The following ST3GAL6 variants were observed in gnomAD, a reference collection of about 807,000 sequenced individuals.
The protein encoded by ST3GAL6 is ST3 beta-galactoside alpha-2,3-sialyltransferase 6, also known as type 2 lactosamine alpha-2,3-sialyltransferase.
A neutral mutation model predicts 40.5 loss-of-function variants in ST3GAL6; 31 were observed. That is an observed-to-expected ratio of 0.77 (90% confidence interval 0.58 to 1.03). ST3GAL6 has a LOEUF of 1.03. ST3GAL6 is among the 50% of genes least tolerant of loss of function. ST3GAL6 has a pLI of 0.00. For missense variants in ST3GAL6, 357 were observed against 393.2 expected (o/e 0.91, Z 0.78); for synonymous variants, 129 against 136.9 (o/e 0.94, Z 0.40).
At chr3:98,754,758 A>C (rs1397758022) in intron 1 of ST3GAL6, among the ~76,000 whole-genome samples, 1 of 152,262 alleles carries the variant, frequency 6.6e-6, no homozygotes, top group Non-Finnish European at 1.5e-5. Context: ...AGTAGCCATA[A>C]GCACTGAGTC....
chr3:98,781,548 G>A (rs1013127199), intron 5 of ST3GAL6, among the ~76,000 whole-genome samples: 3 of 152,076 alleles, frequency 2.0e-5, no homozygotes, highest in Admixed American at 6.5e-5. Flanking sequence ...TGTTGTTCAG[G>A]AGTCTTTTGT....
chr3:98,746,748 A>T (rs979409992), intron 1 of ST3GAL6, among the ~76,000 whole-genome samples: 2 of 152,172 alleles, frequency 1.3e-5, no homozygotes, highest in African/African-American at 4.8e-5. Context: ...CCTTATTGTT[A>T]CATATTATAT....
At chr3:98,771,745 G>C (rs558013789) in intron 3 of ST3GAL6, among the ~76,000 whole-genome samples, 4 of 151,990 alleles carry the variant, frequency 2.6e-5, no homozygotes, top group African/African-American at 9.7e-5. Context: ...AGACTTTTTC[G>C]TATATGATTC....
chr3:98,734,903 G>C (rs1576012148), intron 1 of ST3GAL6, among the ~76,000 whole-genome samples: 1 of 152,126 alleles, frequency 6.6e-6, no homozygotes, highest in Non-Finnish European at 1.5e-5. Context: ...GAGAAGACGT[G>C]AGTAATGCCA....
intron 1 of ST3GAL6, among the ~76,000 whole-genome samples, chr3:98,755,140 C>T (rs1468913152): frequency 1.3e-5 from 2 of 152,170 alleles, no homozygotes; most frequent in East Asian, 1.9e-4. Context: ...CTCCACCTCC[C>T]GGTTCAAGCG....
chr3:98,761,527 T>G (rs1937763659), upstream of ST3GAL6, among the ~76,000 whole-genome samples: 1 of 151,712 alleles, frequency 6.6e-6, no homozygotes, highest in Non-Finnish European at 1.5e-5. Context: ...GAGAAATTGC[T>G]TGAACCCGGG....
In ST3GAL6 at chr3:98,768,541, T is replaced by C. The variant is rs747821070; in HGVS notation, c.89+12T>C. 4 of 1,583,862 alleles carry C rather than the reference T, an allele frequency of 2.5e-6. No homozygotes were observed. In the Admixed American group the frequency reaches 6.7e-5, roughly 27 times the overall value. ...ACGAATGTCTATTGGTAAGTTTCAT[T>C]TTGTTATTTAAAAATAACTCTCAAC... On this transcript the variant is annotated intron_variant, in intron 2 of 9. Coordinates refer to ENST00000483910, the MANE Select transcript of ST3GAL6 (RefSeq NM_001323368.2).
intron 1 of ST3GAL6, among the ~76,000 whole-genome samples, chr3:98,757,786 C>T (rs1937521881): frequency 6.6e-6 from 1 of 151,840 alleles, no homozygotes; most frequent in Non-Finnish European, 1.5e-5. Flanking sequence ...ATGTCTAAAG[C>T]ATTTAAAACT....
intron 1 of ST3GAL6, among the ~76,000 whole-genome samples, chr3:98,746,184 T>A (rs1399525690): frequency 6.6e-6 from 1 of 152,186 alleles, no homozygotes; most frequent in East Asian, 1.9e-4. Context: ...ATGCTAGTGA[T>A]ATGAATTTCA....
intron 1 of ST3GAL6, among the ~76,000 whole-genome samples, chr3:98,738,083 C>T (rs1259177043): frequency 1.4e-5 from 2 of 138,940 alleles, no homozygotes; most frequent in Non-Finnish European, 3.1e-5. Flanking sequence ...TTTAGCCTCC[C>T]CCCGCCCTCC....
At chr3:98,733,149 C>G in intron 1 of ST3GAL6, 1 of 1,245,976 alleles carries the variant, frequency 8.0e-7, no homozygotes, top group Non-Finnish European at 1.0e-6. Flanking sequence ...GCTGTTTGCC[C>G]CTCCACATAT....
chr3:98,742,021 C>T (rs1440907212), intron 1 of ST3GAL6, among the ~76,000 whole-genome samples: 1 of 152,026 alleles, frequency 6.6e-6, no homozygotes, highest in Non-Finnish European at 1.5e-5. Context: ...CCTTTCAGTA[C>T]CTTCTTCATA....
intron 1 of ST3GAL6, among the ~76,000 whole-genome samples, chr3:98,744,945 C>G (rs1936423580): frequency 1.3e-5 from 2 of 152,126 alleles, no homozygotes; most frequent in South Asian, 4.2e-4. Context: ...AATAGGGAAC[C>G]ATGCAGAGCA....
At chr3:98,733,244 G>T in intron 1 of ST3GAL6, 1 of 978,276 alleles carries the variant, frequency 1.0e-6, no homozygotes, top group Non-Finnish European at 1.2e-6. Flanking sequence ...GTGCGCCGCA[G>T]CCACCGCCGA....
upstream of ST3GAL6, among the ~76,000 whole-genome samples, chr3:98,762,315 A>G (rs1241064784): frequency 6.6e-6 from 1 of 152,216 alleles, no homozygotes. Flanking sequence ...TTGACACTAC[A>G]CAACTCAATA....
Position 98,774,104 on chromosome 3 carries a change from C to A in ST3GAL6, c.335+121C>A. 4.1e-6 allele frequency: 3 copies of A among 737,494 alleles called. No homozygotes were observed. The South Asian group carries it at 5.6e-5, about 14-fold the overall frequency. The allele number at this position is 737,494 out of a possible 1,614,324, so 45.7% of individuals were successfully genotyped here. A position where few individuals can be genotyped will look rare whatever the true frequency, so the allele number is the denominator to read the frequency against. ...AAAATTTCATAGCGTTTGTGCATAA[C>A]CAAAATTTCTAGTAGTAATTTGACA... is the stretch of plus-strand genomic sequence containing the variant. On this transcript the variant is annotated intron_variant, in intron 5 of 9. Coordinates refer to ENST00000483910, the MANE Select transcript of ST3GAL6 (RefSeq NM_001323368.2).
At chr3:98,738,897 A>C (rs1935813458) in intron 1 of ST3GAL6, among the ~76,000 whole-genome samples, 2 of 152,340 alleles carry the variant, frequency 1.3e-5, no homozygotes, top group Admixed American at 1.3e-4. Context: ...GACAGAATAT[A>C]CATTCTTCTC....
chr3:98,737,931 CAT>C (rs1194600919), intron 1 of ST3GAL6, among the ~76,000 whole-genome samples: 1 of 152,162 alleles, frequency 6.6e-6, no homozygotes, highest in Non-Finnish European at 1.5e-5. Flanking sequence ...ACCCAAATCT[CAT>C]ATTCAATTGT....
intron 4 of ST3GAL6, among the ~76,000 whole-genome samples, chr3:98,773,665 T>C (rs1939232266): frequency 1.3e-5 from 2 of 152,212 alleles, no homozygotes; most frequent in Non-Finnish European, 1.5e-5. Flanking sequence ...TTTAAAATTA[T>C]ATGATTGTTT....
Sources: gnomAD v4.1 joint callset for allele counts (sites outside exome capture counted in the v4.1 genomes callset) on GRCh38, gnomAD v4.1.1 for gene constraint, MANE v1.5 for transcripts, NCBI Gene and HGNC (gene_info 2026-07-23, HGNC 2026-07-21) for gene names.